NDRG3: variants seen among roughly 807,000 people sequenced by gnomAD.
NDRG3 encodes the protein protein NDRG3.
Under a neutral mutation model 57.2 loss-of-function variants are expected in NDRG3, and 23 were observed. That is an observed-to-expected ratio of 0.40 (90% CI 0.29 to 0.57). The LOEUF (loss-of-function observed/expected upper bound fraction) is 0.57, where lower values mean the gene tolerates loss of function less well. Ranked by LOEUF, NDRG3 falls within the 20% of genes least tolerant of loss-of-function variation. NDRG3 has a pLI of 0.42. For synonymous variants in NDRG3, 132 were observed against 162.6 expected, an observed-to-expected ratio of 0.81 and a Z score of 1.43; for missense variants, 384 against 457.3, an observed-to-expected ratio of 0.84 and a Z score of 1.46.
intron 1 of NDRG3, among the ~76,000 whole-genome samples, chr20:36,722,545 A>G (rs1306823571): frequency 2.0e-5 from 3 of 152,230 alleles, no homozygotes; most frequent in African/African-American, 7.2e-5. Context: ...ACTCAAAACT[A>G]TGCTTGGAAC....
At position 36,653,543 on chromosome 20, in the gene NDRG3, G is replaced by A. The variant is rs1226305897; in HGVS notation, c.1105C>T (p.Gln369Ter). The A allele has an allele frequency of 1.9e-6, 3 of 1,614,000 alleles. No individual in the cohort carries two copies. Among genetic ancestry groups the A allele is most frequent in the African/African-American group, 2.7e-5 (2 of 74,934 alleles). Residue 369 changes from glutamine (Q) to a stop codon, truncating the protein, a stop_gained, in exon 16 of 16, where the codon CAG becomes TAG. Coordinates refer to ENST00000349004, the MANE Select transcript of NDRG3 (RefSeq NM_032013.4). LOFTEE classifies it high-confidence loss of function. The surrounding 1 kb of genome is among the most constrained non-coding windows in gnomAD (Gnocchi z 4.2). Reference protein sequence around the residue: ...CESPDVLDRHQTMEVSC With the variant: ...CESPDVLDRH Reference sequence around the variant, plus strand: ...GCTTAGCAGGACACCTCCATGGTCTGGTGTCTGTCCAGGACATCAGGGGAC... The same window carrying A: ...GCTTAGCAGGACACCTCCATGGTCTAGTGTCTGTCCAGGACATCAGGGGAC...
At chr20:36,736,104 C>A (rs1985597841) in intron 1 of NDRG3, among the ~76,000 whole-genome samples, 1 of 151,976 alleles carries the variant, frequency 6.6e-6, no homozygotes, top group Admixed American at 6.6e-5. Flanking sequence ...ACTACACAGA[C>A]AACCCCTGAA....
At chr20:36,656,773 T>C (rs2148018415) in intron 13 of NDRG3, among the ~76,000 whole-genome samples, 1 of 152,212 alleles carries the variant, frequency 6.6e-6, no homozygotes, top group East Asian at 1.9e-4. Context: ...ATGGTGGGAA[T>C]TTTCTGTTGA....
At chr20:36,683,955 C>G (rs1462609210) in intron 6 of NDRG3, among the ~76,000 whole-genome samples, 1 of 152,150 alleles carries the variant, frequency 6.6e-6, no homozygotes, top group African/African-American at 2.4e-5. Context: ...AAACCATTCT[C>G]TTCTCAGTGA....
intron 2 of NDRG3, among the ~76,000 whole-genome samples, chr20:36,710,442 T>C (rs1358783333): frequency 6.6e-6 from 1 of 152,122 alleles, no homozygotes; most frequent in Non-Finnish European, 1.5e-5. Context: ...TATTTCCCTT[T>C]CTGAAATTAG....
chr20:36,719,097 T>C (rs1360632174), intron 2 of NDRG3, among the ~76,000 whole-genome samples: 2 of 151,880 alleles, frequency 1.3e-5, no homozygotes, highest in South Asian at 4.1e-4. Context: ...TCTGGAAATA[T>C]GAGGGGATGC....
intron 8 of NDRG3, among the ~76,000 whole-genome samples, chr20:36,672,854 T>C (rs184241542): frequency 6.6e-6 from 1 of 151,658 alleles, no homozygotes; most frequent in Admixed American, 6.6e-5. Flanking sequence ...TGTACCCACA[T>C]ATTAAGAAAG....
intron 1 of NDRG3, among the ~76,000 whole-genome samples, chr20:36,744,757 C>G (rs530268842): frequency 6.6e-6 from 1 of 152,342 alleles, no homozygotes; most frequent in South Asian, 2.1e-4. Context: ...TTCTCTTTCT[C>G]TTCTTGCTTT....
intron 1 of NDRG3, among the ~76,000 whole-genome samples, chr20:36,726,827 G>A (rs1284776000): frequency 6.6e-6 from 1 of 152,058 alleles, no homozygotes. Context: ...AAGGAGAAAA[G>A]GTGGCTACCT....
intron 2 of NDRG3, among the ~76,000 whole-genome samples, chr20:36,707,298 G>A (rs933943973): frequency 9.2e-5 from 14 of 152,228 alleles, no homozygotes; most frequent in Non-Finnish European, 1.2e-4. Context: ...TAAGGAGAGC[G>A]GTGAGAATTT....
At chr20:36,695,956 T>TC (rs920799646) in intron 3 of NDRG3, among the ~76,000 whole-genome samples, 10 of 152,126 alleles carry the variant, frequency 6.6e-5, no homozygotes, top group Admixed American at 1.3e-4. Flanking sequence ...ATGTGATGTC[T>TC]CCCCCCGGAC....
At chr20:36,663,380 C>G (rs1330074069) in intron 12 of NDRG3, among the ~76,000 whole-genome samples, 3 of 152,190 alleles carry the variant, frequency 2.0e-5, no homozygotes, top group African/African-American at 7.2e-5. Flanking sequence ...TTCCAAAAAG[C>G]TTTACTCCAT....
Position 36,671,379 on chromosome 20 carries a change from T to C in NDRG3, c.550A>G (p.Asn184Asp), listed in dbSNP as rs754156651. The C allele has an allele frequency of 6.2e-7, 1 of 1,613,988 alleles. No individual in the cohort carries two copies. The highest frequency in any genetic ancestry group is 8.5e-7 in the Non-Finnish European group (1 of 1,179,870). Residue 184 changes from asparagine to aspartate, a missense_variant, in exon 9 of 16, where the codon AAT becomes GAT. By Grantham distance (23) the Asn-to-Asp change is conservative (BLOSUM62 1). Transcript: ENST00000349004. ...AASKLSGLTT[N>D]VVDIILAHHF... ...TGAGCCAAAATAATGTCCACAACAT[T>C]GGTTGTCAGGCCAGAGAGCTGAAAA...
chr20:36,696,734 G>A (rs111783370), intron 3 of NDRG3, among the ~76,000 whole-genome samples: 2,651 of 150,944 alleles, frequency 0.018, 28 homozygotes, highest in Middle Eastern at 0.049. Context: ...CTCGTGATCC[G>A]CCCACCTCGG....
chr20:36,702,004 C>T (rs1314614001), intron 3 of NDRG3, among the ~76,000 whole-genome samples: 2 of 152,130 alleles, frequency 1.3e-5, no homozygotes, highest in Admixed American at 6.6e-5. Context: ...CTGACTTGTC[C>T]CATATTTCTA....
intron 9 of NDRG3, among the ~76,000 whole-genome samples, chr20:36,670,801 C>T (rs1980083040): frequency 6.6e-6 from 1 of 152,172 alleles, no homozygotes; most frequent in East Asian, 1.9e-4. Flanking sequence ...ACTCCTTTGT[C>T]AGTCACCCAA....
intron 1 of NDRG3, among the ~76,000 whole-genome samples, chr20:36,724,312 G>A (rs747803108): frequency 6.6e-6 from 1 of 152,174 alleles, no homozygotes; most frequent in African/African-American, 2.4e-5. Flanking sequence ...CAAATTTGAT[G>A]ATGTTTAACC....
chr20:36,678,015 T>C (rs952812894), intron 8 of NDRG3, among the ~76,000 whole-genome samples: 1 of 152,088 alleles, frequency 6.6e-6, no homozygotes, highest in Non-Finnish European at 1.5e-5. Context: ...GGACTGGGAG[T>C]GCTTATATTT....
chr20:36,721,610 T>C (rs547831862), intron 2 of NDRG3, 69 bp downstream of exon 2: 36 of 888,652 alleles, frequency 4.1e-5, no homozygotes, highest in African/African-American at 2.5e-4. Flanking sequence ...ATTTAGATGA[T>C]ACAGAAAATG....
Sources: gnomAD v4.1 joint callset for allele counts (sites outside exome capture counted in the v4.1 genomes callset) on GRCh38, gnomAD v4.1.1 for gene constraint, Gnocchi (gnomAD v3.1) non-coding constraint, MANE v1.5 for transcripts, NCBI Gene and HGNC (gene_info 2026-07-23, HGNC 2026-07-21) for gene names.